ARID5B: variants seen among roughly 807,000 people sequenced by gnomAD.
ARID5B encodes AT-rich interactive domain-containing protein 5B.
In ARID5B, 13 loss-of-function variants were observed where a neutral mutation model predicts 97.2. The ratio of observed to expected loss-of-function variants is 0.13; its 90% CI spans 0.09 to 0.21. The LOEUF (loss-of-function observed/expected upper bound fraction) is 0.21, where lower values mean the gene tolerates loss of function less well. ARID5B is among the 10% of genes least tolerant of loss of function. The pLI is 1.00. For missense variants in ARID5B, 1,210 were observed against 1,465.3 expected (o/e 0.83, Z 2.84); for synonymous variants, 556 against 570.3 (o/e 0.97, Z 0.36).
chr10:61,934,941 A>G (rs562923818), intron 2 of ARID5B, among the ~76,000 whole-genome samples: 1 of 151,370 alleles, frequency 6.6e-6, no homozygotes, highest in Non-Finnish European at 1.5e-5. Context: ...TGAATCCCGG[A>G]GGCGGAGGTT....
chr10:62,018,503 C>T (rs1002328412), intron 4 of ARID5B, among the ~76,000 whole-genome samples: 7 of 151,734 alleles, frequency 4.6e-5, no homozygotes, highest in East Asian at 3.9e-4. Context: ...ATTATCTTTA[C>T]GTTTCCAAAG....
intron 4 of ARID5B, among the ~76,000 whole-genome samples, chr10:62,006,507 C>T (rs1204442838): frequency 6.6e-6 from 1 of 152,132 alleles, no homozygotes; most frequent in African/African-American, 2.4e-5. Context: ...GCACTTTCTC[C>T]TTGTTGCATG....
chr10:61,908,799 C>CAAAAAAAAAAAAAAAA (rs369792859), intron 2 of ARID5B, among the ~76,000 whole-genome samples: 2 of 50,992 alleles, frequency 3.9e-5, no homozygotes, highest in Non-Finnish European at 6.9e-5. Flanking sequence ...GACTCCATCT[C>CAAAAAAAAAAAAAAAA]AAAAAAAAAA....
At position 61,940,226 on chromosome 10, in the gene ARID5B, A is replaced by G. The variant is rs767824699; in HGVS notation, c.320A>G (p.Glu107Gly). The G allele has an allele frequency of 6.2e-7, 1 of 1,614,206 alleles. No individual in the cohort carries two copies. Among genetic ancestry groups the G allele is most frequent in the Non-Finnish European group, 8.5e-7 (1 of 1,180,026 alleles). Residue 107 changes from glutamate to glycine, a missense_variant, in exon 3 of 10, where the codon GAA becomes GGA. Glu to Gly is a moderately conservative substitution (Grantham distance 98). Around this residue, in one of 8 missense-constraint regions of ARID5B, gnomAD observed 80 missense variants for 133.2 expected, o/e 0.60. Transcript: ENST00000279873. ...TCCGAAAAGGTGATTGTGAAGCTTGAAGACCTGGTCAAGTGGGTACATTCT... is the reference window on the plus strand; with the variant it reads ...TCCGAAAAGGTGATTGTGAAGCTTGGAGACCTGGTCAAGTGGGTACATTCT... The part of the protein sequence containing the change: ...AVSEKVIVKL[E>G]DLVKWVHSDF...
chr10:61,908,820 A>AAAAAAAAAG (rs1251041161), intron 2 of ARID5B, among the ~76,000 whole-genome samples: 1 of 146,168 alleles, frequency 6.8e-6, no homozygotes, highest in African/African-American at 2.7e-5. Context: ...AAAAAAAAAA[A>AAAAAAAAAG]AAGAAGAAGA....
intron 2 of ARID5B, among the ~76,000 whole-genome samples, chr10:61,903,471 C>A (rs74156274): frequency 0.045 from 6,838 of 152,270 alleles, 243 homozygotes; most frequent in African/African-American, 0.099. Flanking sequence ...TGGTACCTAC[C>A]GAGGGGAACT....
chr10:61,941,350 T>C (rs1448328866), intron 3 of ARID5B, among the ~76,000 whole-genome samples: 2 of 151,720 alleles, frequency 1.3e-5, no homozygotes, highest in African/African-American at 4.8e-5. Flanking sequence ...TTTATTCTCC[T>C]AGCATTGCCC....
At chr10:61,967,738 T>C (rs529120491) in intron 3 of ARID5B, among the ~76,000 whole-genome samples, 2 of 152,318 alleles carry the variant, frequency 1.3e-5, no homozygotes, top group South Asian at 2.1e-4. Flanking sequence ...AATACCTTTC[T>C]GGCCTGTGAA....
rs1043681818 is a variant in ARID5B at position 62,086,947 on chromosome 10, G to A, written c.1398+1047G>A. Among the ~76,000 whole-genome samples the A allele has an allele frequency of 6.6e-5, 10 of 152,160 alleles. No homozygotes were observed. The East Asian group carries it at 1.9e-3, about 30-fold the overall frequency. ...AGACTCTCCTGAAAACTTTAGAGAA[G>A]TGTTTGTCTCCCATAATTGATTTCT... On this transcript the variant is annotated intron_variant, in intron 9 of 9. Coordinates refer to ENST00000279873, the MANE Select transcript of ARID5B (RefSeq NM_032199.3).
intron 2 of ARID5B, among the ~76,000 whole-genome samples, chr10:61,904,302 TG>T (rs577517591): frequency 4.4e-4 from 67 of 152,250 alleles, no homozygotes; most frequent in African/African-American, 1.6e-3. Flanking sequence ...GAAATTGGGA[TG>T]TTTTTTAAAG....
chr10:62,074,401 T>C (rs1450773675), intron 8 of ARID5B, among the ~76,000 whole-genome samples: 1 of 152,220 alleles, frequency 6.6e-6, no homozygotes, highest in African/African-American at 2.4e-5. Flanking sequence ...GGCAGCTTTC[T>C]TTGCAGGGAC....
chr10:62,084,349 G>A (rs2132975569), intron 8 of ARID5B, among the ~76,000 whole-genome samples: 1 of 152,328 alleles, frequency 6.6e-6, no homozygotes, highest in Non-Finnish European at 1.5e-5. Context: ...TGGTTAAGCA[G>A]TTGAGATCCA....
chr10:62,039,722 G>T (rs1004116533), intron 4 of ARID5B, among the ~76,000 whole-genome samples: 2 of 152,242 alleles, frequency 1.3e-5, no homozygotes, highest in African/African-American at 4.8e-5. Flanking sequence ...ATTGCGGAAA[G>T]AATGTTTCTC....
intron 4 of ARID5B, among the ~76,000 whole-genome samples, chr10:62,050,519 C>T (rs1839772665): frequency 6.6e-6 from 1 of 152,116 alleles, no homozygotes; most frequent in African/African-American, 2.4e-5. Context: ...AAGCAAGATA[C>T]AAAACAAAAA....
At chr10:61,909,317 A>AGTTTTTT (rs1843759734) in intron 2 of ARID5B, among the ~76,000 whole-genome samples, 4 of 97,416 alleles carry the variant, frequency 4.1e-5, no homozygotes, top group African/African-American at 1.2e-4. Flanking sequence ...CTATTCAGTG[A>AGTTTTTT]GTTTTTTTTT....
intron 3 of ARID5B, among the ~76,000 whole-genome samples, chr10:61,976,425 C>T (rs1838699247): frequency 6.6e-6 from 1 of 152,122 alleles, no homozygotes; most frequent in Non-Finnish European, 1.5e-5. Flanking sequence ...ATTTCATAGA[C>T]ACGTGGAAGC....
chr10:61,980,004 A>G (rs1838755153), intron 3 of ARID5B, among the ~76,000 whole-genome samples: 1 of 152,172 alleles, frequency 6.6e-6, no homozygotes. Context: ...GAGGCAGGAG[A>G]ATCACTTGAA....
intron 3 of ARID5B, among the ~76,000 whole-genome samples, chr10:61,997,494 C>T (rs1360147982): frequency 2.6e-5 from 4 of 152,154 alleles, no homozygotes; most frequent in African/African-American, 7.2e-5. Context: ...CATTTATACT[C>T]CTTCAACCTG....
chr10:61,988,765 A>G (rs1469528537), intron 3 of ARID5B, among the ~76,000 whole-genome samples: 5 of 152,106 alleles, frequency 3.3e-5, no homozygotes, highest in African/African-American at 1.2e-4. Flanking sequence ...CTCTAAAGAG[A>G]GCTATGCTGT....
Sources: gnomAD v4.1 joint callset for allele counts (sites outside exome capture counted in the v4.1 genomes callset) on GRCh38, gnomAD v4.1.1 for gene constraint, gnomAD v4.1.1 regional missense constraint, MANE v1.5 for transcripts, NCBI Gene and HGNC (gene_info 2026-07-23, HGNC 2026-07-21) for gene names.